RPL31: variants seen among roughly 807,000 people sequenced by gnomAD.
RPL31 encodes large ribosomal subunit protein eL31.
For missense variants in RPL31, 95 were observed against 164.0 expected, an observed-to-expected ratio of 0.58 and a Z score of 2.30; for synonymous variants, 51 against 55.0, an observed-to-expected ratio of 0.93 and a Z score of 0.32.
rs761367946 is a variant in RPL31 at position 101,006,410 on chromosome 2, T to C, written c.*29T>C. 6 of 1,603,080 alleles carry C rather than the reference T, an allele frequency of 3.7e-6. No homozygotes were observed. Among genetic ancestry groups the C allele is most frequent in the Admixed American group, 1.7e-5 (1 of 57,390 alleles). On this transcript the variant is annotated 3_prime_UTR_variant, in exon 5 of 5. Transcript: ENST00000264258. ...CTGATCGTCAGATCAAATAAAGTTATAAAATTGCCTTCATGTTTTTGTTCT... is the reference window on the plus strand; with the variant it reads ...CTGATCGTCAGATCAAATAAAGTTACAAAATTGCCTTCATGTTTTTGTTCT...
intron 4 of RPL31, among the ~76,000 whole-genome samples, chr2:101,013,630 T>C (rs1476584421): frequency 1.3e-5 from 2 of 152,264 alleles, no homozygotes; most frequent in Non-Finnish European, 2.9e-5. Flanking sequence ...CTCTCCTTTA[T>C]AGCCTTAGGG....
At chr2:101,014,536 G>GT (rs900011438) in intron 4 of RPL31, among the ~76,000 whole-genome samples, 1 of 152,146 alleles carries the variant, frequency 6.6e-6, no homozygotes, top group African/African-American at 2.4e-5. Context: ...TAGAATGACT[G>GT]TTTTTTCCCT....
At chr2:101,010,995 C>T (rs765028910), downstream of RPL31, 4 of 1,613,026 alleles carry the variant, frequency 2.5e-6, no homozygotes, top group South Asian at 4.4e-5. Context: ...TAATCATCTG[C>T]TTCAGCTGTT....
downstream of RPL31, among the ~76,000 whole-genome samples, chr2:101,009,349 T>C (rs962680516): frequency 1.4e-5 from 2 of 147,414 alleles, no homozygotes; most frequent in Admixed American, 1.4e-4. Context: ...GAGCTTGCAG[T>C]GAGCCGAGAT....
chr2:101,009,988 A>AT (rs1028879529), downstream of RPL31, among the ~76,000 whole-genome samples: 945 of 146,208 alleles, frequency 6.5e-3, 4 homozygotes, highest in Non-Finnish European at 8.2e-3. Flanking sequence ...CGTCCAGCTA[A>AT]TTTTTTTTTT....
At chr2:101,008,324 AT>A (rs200543793), downstream of RPL31, 20,617 of 1,116,846 alleles carry the variant, frequency 0.018, 1 homozygote, top group South Asian at 0.029. Flanking sequence ...TGGAAGTGTC[AT>A]TTTTTTTTTT....
intron 3 of RPL31, chr2:101,004,629 G>C (rs1678649941): frequency 6.5e-6 from 2 of 309,024 alleles, no homozygotes; most frequent in Non-Finnish European, 5.9e-6. Context: ...GGTCGCTCTA[G>C]ACATCATGGC....
chr2:101,007,803 A>AT (rs1678843221), downstream of RPL31: 1 of 1,609,480 alleles, frequency 6.2e-7, no homozygotes, highest in Non-Finnish European at 8.5e-7. Context: ...TCCAGTGTGC[A>AT]TAGCAGCTGC....
intron 4 of RPL31, chr2:101,017,776 A>T: frequency 6.7e-7 from 1 of 1,484,884 alleles, no homozygotes. Flanking sequence ...ATGTTACCAA[A>T]ATCTTGACAA....
downstream of RPL31, chr2:101,007,517 G>T (rs564201822): frequency 8.6e-6 from 3 of 347,286 alleles, no homozygotes; most frequent in Non-Finnish European, 1.6e-5. Context: ...ATGAGACATT[G>T]TGTTCATCTG....
At chr2:101,007,531 G>A, downstream of RPL31, 1 of 382,362 alleles carries the variant, frequency 2.6e-6, no homozygotes, top group Non-Finnish European at 4.8e-6. Flanking sequence ...TCATCTGAGA[G>A]CAAAATCAAC....
downstream of RPL31, among the ~76,000 whole-genome samples, chr2:101,010,073 G>A (rs148356916): frequency 0.022 from 3,287 of 151,862 alleles, 123 homozygotes; most frequent in African/African-American, 0.076. Context: ...TAATCCACCC[G>A]CCTCGGCCTC....
rs1430755108 is a variant in RPL31, at chr2:101,006,807, T to G, written c.*426T>G. On this transcript the variant is annotated 3_prime_UTR_variant, in exon 5 of 5. Coordinates refer to ENST00000264258, the MANE Select transcript of RPL31 (RefSeq NM_000993.5). ...TAATGTGGCAGTAGGTCTTTTAAGC[T>G]TCTGCCTACATCCATATTGAGTATA... The G allele has an allele frequency of 1.3e-5, 2 of 159,452 alleles. No individual in the cohort carries two copies. Among genetic ancestry groups the G allele is most frequent in the East Asian group, 3.7e-4 (2 of 5,424 alleles). 9.9% of individuals were successfully genotyped at this position (159,452 alleles called of 1,614,324 possible). A position where few individuals can be genotyped will look rare whatever the true frequency, so the allele number is the denominator to read the frequency against.
chr2:101,002,404 G>T (rs185043829), intron 1 of RPL31, 89 bp downstream of exon 1: 201 of 401,274 alleles, frequency 5.0e-4, no homozygotes, highest in African/African-American at 3.8e-3. Context: ...AATCTCTCCC[G>T]AGCCAGCCCG....
At chr2:101,010,892 A>C, downstream of RPL31, 1 of 1,577,852 alleles carries the variant, frequency 6.3e-7, no homozygotes, top group Non-Finnish European at 8.6e-7. Flanking sequence ...AAAAAAAAAA[A>C]AAAAAGTTAA....
chr2:101,009,821 C>CATTTTTTT (rs144990163), downstream of RPL31, among the ~76,000 whole-genome samples: 1 of 134,192 alleles, frequency 7.5e-6, no homozygotes, highest in Non-Finnish European at 1.6e-5. Context: ...AAAAAAGGAG[C>CATTTTTTT]TTTTTCTTTT....
chr2:101,008,256 GA>G, downstream of RPL31: 1 of 1,541,968 alleles, frequency 6.5e-7, no homozygotes, highest in South Asian at 1.3e-5. Flanking sequence ...GAGTTTTACA[GA>G]ACTGGATAAA....
At chr2:101,015,734 A>C (rs1387810860) in intron 4 of RPL31, among the ~76,000 whole-genome samples, 2 of 152,244 alleles carry the variant, frequency 1.3e-5, no homozygotes, top group African/African-American at 4.8e-5. Flanking sequence ...GATATAGATC[A>C]ATGGAACAGA....
intron 3 of RPL31, 82 bp downstream of exon 3, chr2:101,004,365 C>A: frequency 3.4e-6 from 5 of 1,477,524 alleles, no homozygotes; most frequent in South Asian, 2.5e-5. Flanking sequence ...CATATCAGTT[C>A]AGTAATTTGG....
Sources: allele counts gnomAD v4.1 joint callset (sites outside exome capture counted in the v4.1 genomes callset), GRCh38; gene constraint gnomAD v4.1.1; transcripts MANE v1.5; gene names NCBI Gene and HGNC (gene_info 2026-07-23, HGNC 2026-07-21).